The following EYA1 variants were observed in gnomAD, a reference collection of about 807,000 sequenced individuals.
The protein encoded by EYA1 is EYA transcriptional coactivator and phosphatase 1, also known as protein phosphatase EYA1.
In EYA1, 16 loss-of-function variants were observed where a neutral mutation model predicts 82.0. The ratio of observed to expected loss-of-function variants is 0.20; its 90% CI spans 0.13 to 0.30. The LOEUF (loss-of-function observed/expected upper bound fraction) is 0.30. Ranked by LOEUF, EYA1 falls within the 10% of genes least tolerant of loss-of-function variation. The pLI is 1.00. For missense variants in EYA1, 633 were observed against 730.7 expected (o/e 0.87, Z 1.54); for synonymous variants, 261 against 264.4 (o/e 0.99, Z 0.12).
chr8:71,295,794 T>C (rs1819532085), intron 9 of EYA1, among the ~76,000 whole-genome samples: 1 of 152,200 alleles, frequency 6.6e-6, no homozygotes, highest in African/African-American at 2.4e-5. Context: ...CATTCATAAC[T>C]GCCAGAAACT....
At chr8:71,293,457 C>T (rs896663327) in intron 9 of EYA1, among the ~76,000 whole-genome samples, 1 of 152,038 alleles carries the variant, frequency 6.6e-6, no homozygotes, top group African/African-American at 2.4e-5. Context: ...TACCCTAATA[C>T]TGAAATGAGA....
chr8:71,438,819 T>C (rs541363426), intron 2 of EYA1, among the ~76,000 whole-genome samples: 145 of 152,264 alleles, frequency 9.5e-4, no homozygotes, highest in Non-Finnish European at 1.3e-3. Context: ...GCTGCTTAGA[T>C]GGCAAGGTGG....
intron 1 of EYA1, among the ~76,000 whole-genome samples, chr8:71,358,563 A>G (rs901564671): frequency 4.6e-5 from 7 of 152,200 alleles, no homozygotes; most frequent in African/African-American, 1.7e-4. Flanking sequence ...TGGTCCAGGA[A>G]AAATAAATCT....
rs1396871462 is a variant in EYA1 at position 71,395,115 on chromosome 8, T to C, written c.34-38604A>G. 5.9e-5 allele frequency among the ~76,000 whole-genome samples: 9 copies of C among 152,316 alleles called. No homozygotes were observed. The East Asian group carries it at 1.5e-3, about 26-fold the overall frequency. ...GTTGTCTGTTATTGGTGTATAAGAA[T>C]GCTTGTGATTTTTGCACATTGATTT... On this transcript the variant is annotated intron_variant, in intron 2 of 18. Transcript: ENST00000643681.
At chr8:71,459,856 C>G (rs1554589586) in intron 2 of EYA1, among the ~76,000 whole-genome samples, 1 of 151,914 alleles carries the variant, frequency 6.6e-6, no homozygotes, top group Non-Finnish European at 1.5e-5. Context: ...ACTATCTGTT[C>G]TTTTTTAGTA....
intron 11 of EYA1, among the ~76,000 whole-genome samples, chr8:71,259,031 T>C (rs1019911492): frequency 6.6e-6 from 1 of 152,180 alleles, no homozygotes; most frequent in Non-Finnish European, 1.5e-5. Flanking sequence ...GTGGAATTTA[T>C]AGTGTTTTTT....
intron 12 of EYA1, among the ~76,000 whole-genome samples, chr8:71,234,663 C>G (rs1275260770): frequency 6.6e-6 from 1 of 152,028 alleles, no homozygotes; most frequent in African/African-American, 2.4e-5. Flanking sequence ...TTCTTCTTGG[C>G]CCTATTTCTA....
chr8:71,488,800 T>C (rs769700024), intron 2 of EYA1, among the ~76,000 whole-genome samples: 7 of 152,198 alleles, frequency 4.6e-5, no homozygotes, highest in Non-Finnish European at 1.0e-4. Context: ...GAGAATTAAC[T>C]AAAGAATGTC....
chr8:71,301,933 C>T (rs1473599371), intron 7 of EYA1, among the ~76,000 whole-genome samples: 1 of 151,582 alleles, frequency 6.6e-6, no homozygotes, highest in Non-Finnish European at 1.5e-5. Flanking sequence ...TAAACATTGT[C>T]CCTTACAGGC....
At chr8:71,535,642 G>A in intron 2 of EYA1, 1 of 832,122 alleles carries the variant, frequency 1.2e-6, no homozygotes, top group Non-Finnish European at 1.9e-6. Context: ...CATTGGTACA[G>A]AGCTTTTGAC....
chr8:71,502,228 G>A (rs764611063), intron 2 of EYA1, among the ~76,000 whole-genome samples: 15 of 152,198 alleles, frequency 9.9e-5, no homozygotes, highest in Admixed American at 7.2e-4. Flanking sequence ...CTTGACTATC[G>A]CCATGACAGA....
intron 2 of EYA1, among the ~76,000 whole-genome samples, chr8:71,469,995 A>G (rs78203583): frequency 0.018 from 2,696 of 152,184 alleles, 53 homozygotes; most frequent in African/African-American, 0.062. Flanking sequence ...CTTTGATTCT[A>G]TGAGCTATAA....
intron 3 of EYA1, among the ~76,000 whole-genome samples, chr8:71,350,288 T>C (rs12550064): frequency 0.61 from 92,315 of 152,022 alleles, 29,955 homozygotes; most frequent in East Asian, 0.83. Flanking sequence ...TTAAAAATAA[T>C]CTAGTTGGAT....
chr8:71,237,386 C>T (rs1811975434), intron 12 of EYA1, among the ~76,000 whole-genome samples: 1 of 152,172 alleles, frequency 6.6e-6, no homozygotes, highest in Non-Finnish European at 1.5e-5. Flanking sequence ...TGTTCATGGT[C>T]TTTGCTCATT....
chr8:71,314,055 T>C (rs1045712595), intron 7 of EYA1, among the ~76,000 whole-genome samples: 1 of 152,206 alleles, frequency 6.6e-6, no homozygotes, highest in Non-Finnish European at 1.5e-5. Context: ...ATCCCCCATA[T>C]TGCCAAAATA....
intron 2 of EYA1, among the ~76,000 whole-genome samples, chr8:71,519,248 T>TA (rs1813214201): frequency 6.6e-6 from 1 of 152,182 alleles, no homozygotes; most frequent in Admixed American, 6.5e-5. Context: ...CTCATAGACT[T>TA]AAAATCTATT....
intron 16 of EYA1, among the ~76,000 whole-genome samples, chr8:71,215,058 G>A (rs577883953): frequency 2.6e-5 from 4 of 152,120 alleles, no homozygotes; most frequent in Non-Finnish European, 5.9e-5. Context: ...CTTGCTGTTT[G>A]TTTTAGCTTA....
rs1269554637 is a variant in EYA1 at position 71,376,285 on chromosome 8, G to A, written c.34-19774C>T. Among the ~76,000 whole-genome samples, 5 of 152,248 alleles carry A rather than the reference G, an allele frequency of 3.3e-5. No homozygotes were observed. The South Asian group carries it at 8.3e-4, about 25-fold the overall frequency. On this transcript the variant is annotated intron_variant, in intron 2 of 18. Transcript: ENST00000643681. Reference sequence around the variant, plus strand: ...CAAGTAGGAGGGAAGAAAGAAATGCGGATAAAAGTGAACAAGAAAGAAAGA... The same window carrying A: ...CAAGTAGGAGGGAAGAAAGAAATGCAGATAAAAGTGAACAAGAAAGAAAGA...
intron 1 of EYA1, among the ~76,000 whole-genome samples, chr8:71,536,220 A>G (rs185825217): frequency 3.3e-5 from 5 of 152,000 alleles, no homozygotes; most frequent in Admixed American, 3.3e-4. Flanking sequence ...TCTCCGTGCT[A>G]TCTATCAACG....
Sources: allele counts gnomAD v4.1 joint callset (sites outside exome capture counted in the v4.1 genomes callset), GRCh38; gene constraint gnomAD v4.1.1; transcripts MANE v1.5; gene names NCBI Gene and HGNC (gene_info 2026-07-23, HGNC 2026-07-21).